EVC2: variants seen among roughly 807,000 people sequenced by gnomAD.
EVC2 encodes limbin.
Under a neutral mutation model 149.3 loss-of-function variants are expected in EVC2, and 148 were observed. That is an observed-to-expected ratio of 0.99 (90% confidence interval 0.87 to 1.14). The LOEUF (loss-of-function observed/expected upper bound fraction) is 1.14. Ranked by LOEUF, EVC2 falls within the 50% of genes most tolerant of loss-of-function variation. EVC2 has a pLI of 0.00. For synonymous variants in EVC2, 776 were observed against 649.9 expected, an observed-to-expected ratio of 1.19 and a Z score of -2.95; for missense variants, 1,854 against 1,627.3, an observed-to-expected ratio of 1.14 and a Z score of -2.40.
At chr4:5,669,562 C>T (rs187238005) in intron 7 of EVC2, among the ~76,000 whole-genome samples, 1 of 152,202 alleles carries the variant, frequency 6.6e-6, no homozygotes, top group Non-Finnish European at 1.5e-5. Context: ...TACATATGGG[C>T]AGCATCACTC....
intron 7 of EVC2, among the ~76,000 whole-genome samples, chr4:5,668,373 C>A (rs1719410811): frequency 6.6e-6 from 1 of 152,204 alleles, no homozygotes; most frequent in Non-Finnish European, 1.5e-5. Flanking sequence ...CAGCCTCTGT[C>A]CACAAAGGCT....
At position 5,628,619 on chromosome 4, in the gene EVC2, A is replaced by G; in HGVS notation, c.1826T>C (p.Val609Ala). 1 of 1,614,148 alleles carries G rather than the reference A, an allele frequency of 6.2e-7. No individual in the cohort carries two copies. The highest frequency in any genetic ancestry group is 8.5e-7 in the Non-Finnish European group (1 of 1,180,024). ...TGCAGCGGTGCTCAGAAGGCCCTGC[A>G]CACGGGTCTCTGATGACTGGAGGTT... is the stretch of plus-strand genomic sequence containing the variant. The part of the protein sequence containing the change: ...VQNLQSSETR[V>A]QGLLSTAAAQ... Residue 609 changes from valine to alanine, a missense_variant, in exon 12 of 22, where the codon GTG becomes GCG. Val to Ala is a moderately conservative substitution (Grantham distance 64). Coordinates refer to ENST00000344408, the MANE Select transcript of EVC2 (RefSeq NM_147127.5).
chr4:5,697,677 T>C (rs1721568100), intron 1 of EVC2, 30 bp from the exon 2 acceptor site: 2 of 1,587,772 alleles, frequency 1.3e-6, no homozygotes, highest in South Asian at 1.1e-5. Flanking sequence ...AAGTCATTAA[T>C]GGAACACATA....
chr4:5,701,372 G>A (rs1470308267), intron 1 of EVC2, among the ~76,000 whole-genome samples: 1 of 152,192 alleles, frequency 6.6e-6, no homozygotes, highest in African/African-American at 2.4e-5. Flanking sequence ...CATATCCACA[G>A]GTTCCAGGGG....
chr4:5,680,128 T>C (rs922388533), intron 7 of EVC2, among the ~76,000 whole-genome samples: 1 of 152,196 alleles, frequency 6.6e-6, no homozygotes, highest in Non-Finnish European at 1.5e-5. Flanking sequence ...AGGATAACAA[T>C]GCCTTATTCT....
At chr4:5,692,604 A>G (rs963663307) in intron 3 of EVC2, among the ~76,000 whole-genome samples, 2 of 151,122 alleles carry the variant, frequency 1.3e-5, no homozygotes, top group African/African-American at 4.9e-5. Context: ...GCGGTGGCTC[A>G]CGCCTGTAAT....
downstream of EVC2, among the ~76,000 whole-genome samples, chr4:5,559,208 CA>C (rs576346566): frequency 4.8e-3 from 731 of 151,844 alleles, 8 homozygotes; most frequent in African/African-American, 0.017. The surrounding 1 kb of genome is among the most constrained non-coding windows in gnomAD (Gnocchi z 5.0). Flanking sequence ...GACCATGTCT[CA>C]AAAAAATAAT....
intron 17 of EVC2, among the ~76,000 whole-genome samples, chr4:5,577,843 G>A (rs1247329322): frequency 1.3e-5 from 2 of 152,168 alleles, no homozygotes; most frequent in Non-Finnish European, 2.9e-5. Context: ...ACAGCCCAGT[G>A]GAGTTCCAGC....
intron 9 of EVC2, among the ~76,000 whole-genome samples, chr4:5,643,923 A>G (rs765465311): frequency 2.0e-5 from 3 of 152,230 alleles, no homozygotes; most frequent in Non-Finnish European, 2.9e-5. Flanking sequence ...CAATCCCAAT[A>G]ATTAGAAATG....
chr4:5,706,358 A>ATACATAGATAGATAGC (rs1577281223), intron 1 of EVC2, among the ~76,000 whole-genome samples: 2 of 19,010 alleles, frequency 1.1e-4, no homozygotes, highest in African/African-American at 4.0e-4. Context: ...AGATAGACAC[A>ATACATAGATAGATAGC]TAGATAGATA....
rs71171411 is a variant in EVC2 at position 5,686,127 on chromosome 4, C to CATAT, written c.707-649_707-648insATAT. 0.042 allele frequency among the ~76,000 whole-genome samples: 6,325 copies of CATAT among 149,550 alleles called. 151 individuals carry two copies. The highest frequency in any genetic ancestry group is 0.058 in the African/African-American group (2,317 of 40,188). On this transcript the variant is annotated intron_variant, in intron 5 of 21. Transcript: ENST00000344408. The surrounding 1 kb of genome is among the most constrained non-coding windows in gnomAD (Gnocchi z 5.4). ...ACACACACACACACACACACACACACAGAGTAAAGAAAAGAGGAGGAACGC... is the reference window on the plus strand; with the variant it reads ...ACACACACACACACACACACACACACATATAGAGTAAAGAAAAGAGGAGGAACGC...
chr4:5,628,443 A>T (rs1159079455), intron 12 of EVC2, 116 bp downstream of exon 12: 1 of 1,350,796 alleles, frequency 7.4e-7, no homozygotes, highest in Non-Finnish European at 1.0e-6. Flanking sequence ...AGCCTCTAGA[A>T]CTATGAACCA....
intron 4 of EVC2, among the ~76,000 whole-genome samples, chr4:5,690,550 T>G (rs1721053378): frequency 6.6e-6 from 1 of 152,108 alleles, no homozygotes; most frequent in Non-Finnish European, 1.5e-5. Flanking sequence ...GTCAGTCTCA[T>G]GGGTGCTCCA....
upstream of EVC2, chr4:5,708,585 G>C: frequency 8.8e-7 from 1 of 1,135,812 alleles, no homozygotes; most frequent in Non-Finnish European, 1.2e-6. Flanking sequence ...CCCCAGGCCC[G>C]CCCCGCCGCC....
chr4:5,559,958 G>A (rs549895973), downstream of EVC2, among the ~76,000 whole-genome samples: 8 of 152,140 alleles, frequency 5.3e-5, no homozygotes, highest in African/African-American at 9.6e-5. This position sits in a 1 kb window ranked among gnomAD's most constrained non-coding sequence, Gnocchi z 5.0. Flanking sequence ...TGGGGGAGTC[G>A]TAAGCACAAA....
chr4:5,664,158 C>A (rs1009391763), intron 8 of EVC2, among the ~76,000 whole-genome samples: 4 of 152,104 alleles, frequency 2.6e-5, no homozygotes, highest in African/African-American at 9.7e-5. Context: ...AGTGTTGGTG[C>A]CCCCATTTTA....
intron 10 of EVC2, among the ~76,000 whole-genome samples, chr4:5,638,725 C>G (rs906080571): frequency 2.6e-5 from 4 of 152,002 alleles, no homozygotes; most frequent in African/African-American, 4.8e-5. Flanking sequence ...TAGGTGGGAC[C>G]TAAATTCAAT....
At chr4:5,662,446 CTAA>C (rs987028070) in intron 9 of EVC2, among the ~76,000 whole-genome samples, 2 of 142,608 alleles carry the variant, frequency 1.4e-5, no homozygotes, top group Non-Finnish European at 3.0e-5. Flanking sequence ...ATTGAATAAA[CTAA>C]TTATTCAATA....
chr4:5,638,187 G>A (rs1051379894), intron 10 of EVC2, among the ~76,000 whole-genome samples: 10 of 152,050 alleles, frequency 6.6e-5, no homozygotes, highest in Non-Finnish European at 1.3e-4. Flanking sequence ...TCAGGAGTTC[G>A]AGATCAGTGT....
Sources: gnomAD v4.1 joint callset for allele counts (sites outside exome capture counted in the v4.1 genomes callset) on GRCh38, gnomAD v4.1.1 for gene constraint, Gnocchi (gnomAD v3.1) non-coding constraint, MANE v1.5 for transcripts, NCBI Gene and HGNC (gene_info 2026-07-23, HGNC 2026-07-21) for gene names.